PCDHGB7: variants seen among roughly 807,000 people sequenced by gnomAD.
PCDHGB7 encodes protocadherin gamma subfamily B, 7.
In PCDHGB7, 37 loss-of-function variants were observed where a neutral mutation model predicts 61.4. That is an observed-to-expected ratio of 0.60 (90% confidence interval 0.46 to 0.79). The LOEUF (loss-of-function observed/expected upper bound fraction) is 0.79. Ranked by LOEUF, PCDHGB7 falls within the 30% of genes least tolerant of loss-of-function variation. The pLI is 0.00. For synonymous variants in PCDHGB7, 464 were observed against 503.5 expected (o/e 0.92, Z 1.05); for missense variants, 1,166 against 1,202.5 (o/e 0.97, Z 0.45).
intron 1 of PCDHGB7, among the ~76,000 whole-genome samples, chr5:141,450,022 T>TTTTC: frequency 6.7e-6 from 1 of 149,424 alleles, no homozygotes; most frequent in Admixed American, 6.7e-5. Context: ...TTTTTTTTTT[T>TTTTC]TTGAGACAGG....
chr5:141,504,786 C>T (rs568185327), intron 2 of PCDHGB7, among the ~76,000 whole-genome samples: 1 of 152,132 alleles, frequency 6.6e-6, no homozygotes, highest in Non-Finnish European at 1.5e-5. Flanking sequence ...TCTCTTGGGG[C>T]CTCCTACATC....
chr5:141,499,466 G>C (rs1337970911), intron 2 of PCDHGB7, among the ~76,000 whole-genome samples: 1 of 152,034 alleles, frequency 6.6e-6, no homozygotes, highest in African/African-American at 2.4e-5. Flanking sequence ...TTACAATCTA[G>C]GGAGAACCAC....
intron 1 of PCDHGB7, among the ~76,000 whole-genome samples, chr5:141,472,243 T>A (rs1276064128): frequency 6.6e-6 from 1 of 152,190 alleles, no homozygotes; most frequent in East Asian, 1.9e-4. Context: ...TCACTTTCTA[T>A]TTTAAAGTTA....
chr5:141,419,889 A>T lies in PCDHGB7; in HGVS notation c.2030A>T (p.Asp677Val). Residue 677 changes from aspartate to valine, a missense_variant, in exon 1 of 4, where the codon GAC becomes GTC. Coordinates refer to ENST00000398594, the MANE Select transcript of PCDHGB7 (RefSeq NM_018927.4). Reference protein sequence around the residue: ...SLQEVLPDFSDHPTPSDSQAE... With the variant: ...SLQEVLPDFSVHPTPSDSQAE... Reference sequence around the variant, plus strand: ...CAAGAGGTACTGCCGGATTTCAGCGACCATCCCACACCCTCTGACTCCCAG... The same window carrying T: ...CAAGAGGTACTGCCGGATTTCAGCGTCCATCCCACACCCTCTGACTCCCAG... 1 of 1,614,084 alleles carries T rather than the reference A, an allele frequency of 6.2e-7. No homozygotes were observed. Among genetic ancestry groups the T allele is most frequent in the Middle Eastern group, 1.6e-4 (1 of 6,062 alleles).
At chr5:141,474,133 C>T (rs35162249) in intron 1 of PCDHGB7, among the ~76,000 whole-genome samples, 9,247 of 152,260 alleles carry the variant, frequency 0.061, 334 homozygotes, top group South Asian at 0.12. Flanking sequence ...CAGAAAACTA[C>T]AGGCCTTATT....
chr5:141,440,902 G>C (rs138147244), intron 1 of PCDHGB7: 1 of 152,110 alleles, frequency 6.6e-6, no homozygotes, highest in Admixed American at 6.6e-5. Context: ...ATGTGCATCC[G>C]GGCACTCCTG....
intron 1 of PCDHGB7, among the ~76,000 whole-genome samples, chr5:141,455,045 C>G (rs1008259013): frequency 6.6e-6 from 1 of 151,798 alleles, no homozygotes; most frequent in Non-Finnish European, 1.5e-5. Context: ...ATCTCCTGAC[C>G]TCGTGATCCG....
intron 1 of PCDHGB7, chr5:141,433,370 T>TCTAA (rs1466476027): frequency 1.8e-6 from 1 of 554,768 alleles, no homozygotes; most frequent in African/African-American, 1.9e-5. Context: ...TATCTATCTA[T>TCTAA]CTATCTATCT....
chr5:141,441,102 C>A (rs1057297804), intron 1 of PCDHGB7: 2 of 152,148 alleles, frequency 1.3e-5, no homozygotes, highest in Non-Finnish European at 2.9e-5. Flanking sequence ...GAGAGGGACT[C>A]ATTGTCCAGT....
intron 1 of PCDHGB7, among the ~76,000 whole-genome samples, chr5:141,456,765 C>A (rs1468235444): frequency 2.0e-5 from 3 of 151,852 alleles, no homozygotes; most frequent in Non-Finnish European, 2.9e-5. Context: ...GAGTTTGAGA[C>A]CAGCCTGGCC....
In PCDHGB7 at chr5:141,490,262, G is replaced by A; in HGVS notation, c.2416-4545G>A. 1.2e-6 allele frequency: 2 copies of A among 1,614,206 alleles called. No homozygotes were observed. Among genetic ancestry groups the A allele is most frequent in the South Asian group, 1.1e-5 (1 of 91,086 alleles). On this transcript the variant is annotated intron_variant, in intron 1 of 3. Transcript: ENST00000398594. The surrounding 1 kb of genome is among the most constrained non-coding windows in gnomAD (Gnocchi z 5.4). ...CACTGTGTGATTCAAGTGGATGTGGGGGATGTCAATGACAATGCCCCAGAG... is the reference window on the plus strand; with the variant it reads ...CACTGTGTGATTCAAGTGGATGTGGAGGATGTCAATGACAATGCCCCAGAG...
intron 1 of PCDHGB7, among the ~76,000 whole-genome samples, chr5:141,458,596 G>A (rs907922436): frequency 1.8e-4 from 27 of 151,842 alleles, no homozygotes; most frequent in African/African-American, 5.8e-4. Flanking sequence ...TTGGAGACGA[G>A]TCTCACTCTG....
intron 2 of PCDHGB7, among the ~76,000 whole-genome samples, chr5:141,500,182 A>T (rs1050067271): frequency 4.6e-5 from 6 of 131,718 alleles, no homozygotes; most frequent in African/African-American, 1.9e-4. Context: ...CTTCATTTTT[A>T]TTTTTATTTA....
rs759191157 is a variant in PCDHGB7, at chr5:141,485,768, C to T, written c.2416-9039C>T. Reference sequence around the variant, plus strand: ...GGTCCCAGAGCTGCTCCTGGAGAAGCCTTTGGATCGAGAGAAGCAATCGGA... The same window carrying T: ...GGTCCCAGAGCTGCTCCTGGAGAAGTCTTTGGATCGAGAGAAGCAATCGGA... On this transcript the variant is annotated intron_variant, in intron 1 of 3. Transcript: ENST00000398594. This position sits in a 1 kb window ranked among gnomAD's most constrained non-coding sequence, Gnocchi z 5.7. The T allele has an allele frequency of 5.6e-6, 9 of 1,614,074 alleles. No individual in the cohort carries two copies. The highest frequency in any genetic ancestry group is 1.7e-5 in the Admixed American group (1 of 60,000).
In PCDHGB7 at chr5:141,431,716, G is replaced by T; in HGVS notation, c.2415+11442G>T. On this transcript the variant is annotated intron_variant, in intron 1 of 3. Transcript: ENST00000398594. The surrounding 1 kb of genome is among the most constrained non-coding windows in gnomAD (Gnocchi z 4.8). ...AGTCAGGATTCTACCAGATGGAAGT[G>T]CAAGCAATGGATAATGCAGGATATT... 1 of 1,614,244 alleles carries T rather than the reference G, an allele frequency of 6.2e-7. No homozygotes were observed. Among genetic ancestry groups the T allele is most frequent in the Middle Eastern group, 1.6e-4 (1 of 6,062 alleles).
In PCDHGB7 at chr5:141,493,577, T is replaced by C. The variant is rs2099749081; in HGVS notation, c.2416-1230T>C. On this transcript the variant is annotated intron_variant, in intron 1 of 3. Coordinates refer to ENST00000398594, the MANE Select transcript of PCDHGB7 (RefSeq NM_018927.4). This position sits in a 1 kb window ranked among gnomAD's most constrained non-coding sequence, Gnocchi z 4.3. ...GAGTTCCCCCAGCTCCGTTTCCTCC[T>C]ATCACAATCACTGCATTTCCATGTA... Among the ~76,000 whole-genome samples, 2 of 152,208 alleles carry C rather than the reference T, an allele frequency of 1.3e-5. No homozygotes were observed. The highest frequency in any genetic ancestry group is 1.3e-4 in the Admixed American group (2 of 15,280).
chr5:141,465,836 A>G (rs974075792), intron 1 of PCDHGB7, among the ~76,000 whole-genome samples: 1 of 151,774 alleles, frequency 6.6e-6, no homozygotes, highest in East Asian at 1.9e-4. Context: ...TAAAATTTCA[A>G]CTGAGGCTGG....
Position 141,431,818 on chromosome 5 carries a change from C to T in PCDHGB7, c.2415+11544C>T, listed in dbSNP as rs201311339. On this transcript the variant is annotated intron_variant, in intron 1 of 3. Coordinates refer to ENST00000398594, the MANE Select transcript of PCDHGB7 (RefSeq NM_018927.4). This position sits in a 1 kb window ranked among gnomAD's most constrained non-coding sequence, Gnocchi z 4.8. ...CAGAAGTGGTCCTCACCTCTCTCGCCAGCTCGGTTCCCGAAAACTCTCCCA... is the reference window on the plus strand; with the variant it reads ...CAGAAGTGGTCCTCACCTCTCTCGCTAGCTCGGTTCCCGAAAACTCTCCCA... 130 of 1,614,122 alleles carry T rather than the reference C, an allele frequency of 8.1e-5. No homozygotes were observed. Among genetic ancestry groups the T allele is most frequent in the Non-Finnish European group, 1.0e-4 (121 of 1,180,040 alleles).
Position 141,431,804 on chromosome 5 carries a change from C to G in PCDHGB7, c.2415+11530C>G. On this transcript the variant is annotated intron_variant, in intron 1 of 3. Transcript: ENST00000398594. This position sits in a 1 kb window ranked among gnomAD's most constrained non-coding sequence, Gnocchi z 4.8. Reference sequence around the variant, plus strand: ...GAACGACAATGCCCCAGAAGTGGTCCTCACCTCTCTCGCCAGCTCGGTTCC... The same window carrying G: ...GAACGACAATGCCCCAGAAGTGGTCGTCACCTCTCTCGCCAGCTCGGTTCC... 6.2e-7 allele frequency: 1 copy of G among 1,614,232 alleles called. No homozygotes were observed. The highest frequency in any genetic ancestry group is 1.3e-5 in the African/African-American group (1 of 75,056).
Sources: gnomAD v4.1 joint callset for allele counts (sites outside exome capture counted in the v4.1 genomes callset) on GRCh38, gnomAD v4.1.1 for gene constraint, Gnocchi (gnomAD v3.1) non-coding constraint, MANE v1.5 for transcripts, NCBI Gene and HGNC (gene_info 2026-07-23, HGNC 2026-07-21) for gene names.